The following RAB31 variants were observed in gnomAD, a reference collection of about 807,000 sequenced individuals.
The protein encoded by RAB31 is ras-related protein Rab-31.
In RAB31, 21 loss-of-function variants were observed where a neutral mutation model predicts 25.6. The observed-to-expected ratio is 0.82, with a 90% confidence interval of 0.58 to 1.18. The LOEUF (loss-of-function observed/expected upper bound fraction) is 1.18. Among genes scored for constraint, RAB31 ranks in the 50% most tolerant of loss-of-function variants. The pLI is 0.00. For missense variants in RAB31, 196 were observed against 250.1 expected (o/e 0.78, Z 1.46); for synonymous variants, 87 against 84.0 (o/e 1.04, Z -0.20).
chr18:9,850,853 G>A (rs967585862), intron 6 of RAB31, among the ~76,000 whole-genome samples: 2 of 148,870 alleles, frequency 1.3e-5, no homozygotes, highest in African/African-American at 5.0e-5. Context: ...GCAACAGAAC[G>A]AGATCCTATC....
At chr18:9,772,804 TG>T (rs368549034) in intron 1 of RAB31, among the ~76,000 whole-genome samples, 466 of 152,266 alleles carry the variant, frequency 3.1e-3, no homozygotes, top group Non-Finnish European at 4.7e-3. Context: ...CAGGGCAGGC[TG>T]TCACAGTTCC....
At chr18:9,798,143 G>C (rs2068495670) in intron 3 of RAB31, among the ~76,000 whole-genome samples, 1 of 152,228 alleles carries the variant, frequency 6.6e-6, no homozygotes, top group Non-Finnish European at 1.5e-5. Context: ...TATACTTCGA[G>C]GAAGACGGAT....
intron 6 of RAB31, among the ~76,000 whole-genome samples, chr18:9,850,226 G>C (rs1193720054): frequency 1.3e-5 from 2 of 152,170 alleles, no homozygotes; most frequent in Non-Finnish European, 1.5e-5. Context: ...GGCTGGATTT[G>C]GTTATGAGCC....
chr18:9,779,354 T>G (rs2068390316), intron 2 of RAB31, among the ~76,000 whole-genome samples: 1 of 152,224 alleles, frequency 6.6e-6, no homozygotes, highest in African/African-American at 2.4e-5. Context: ...TAACCAATAT[T>G]TAGAGTCCAA....
In RAB31 at chr18:9,806,492, G is replaced by A. The variant is rs1462495621; in HGVS notation, c.202-7528G>A. Among the ~76,000 whole-genome samples the A allele has an allele frequency of 5.9e-5, 9 of 152,022 alleles. No individual in the cohort carries two copies. The South Asian group carries it at 1.0e-3, about 18-fold the overall frequency. On this transcript the variant is annotated intron_variant, in intron 3 of 6. Transcript: ENST00000578921. ...GGCGTCAGGGAAGGTGCGGAGGCTC[G>A]GTGGGCCTGCCTCTGTGTTTAGGGA...
chr18:9,745,567 A>T (rs934085393), intron 1 of RAB31, among the ~76,000 whole-genome samples: 1 of 152,238 alleles, frequency 6.6e-6, no homozygotes, highest in Non-Finnish European at 1.5e-5. Flanking sequence ...CCAGAAGTAT[A>T]TTAAAAGGAT....
chr18:9,769,037 C>T (rs1176379556), intron 1 of RAB31, among the ~76,000 whole-genome samples: 2 of 152,162 alleles, frequency 1.3e-5, no homozygotes, highest in Admixed American at 6.6e-5. Flanking sequence ...GGCCTCTGTT[C>T]TGTTCCATTG....
At chr18:9,756,059 A>G (rs8099036) in intron 1 of RAB31, among the ~76,000 whole-genome samples, 59,851 of 152,108 alleles carry the variant, frequency 0.39, 12,029 homozygotes, top group Admixed American at 0.41. Flanking sequence ...TGTCTGTTAA[A>G]TACTTGCAGA....
chr18:9,846,047 A>G (rs1180470849), intron 6 of RAB31, among the ~76,000 whole-genome samples: 1 of 152,228 alleles, frequency 6.6e-6, no homozygotes, highest in Non-Finnish European at 1.5e-5. Flanking sequence ...CACCCATTAG[A>G]TGGGATGACT....
chr18:9,851,627 G>A (rs900008774), intron 6 of RAB31, among the ~76,000 whole-genome samples: 3 of 152,110 alleles, frequency 2.0e-5, no homozygotes, highest in Admixed American at 6.6e-5. Context: ...ATTGCACAGC[G>A]TGGTTTATTG....
chr18:9,780,149 C>G (rs2068394551), intron 2 of RAB31, among the ~76,000 whole-genome samples: 1 of 148,342 alleles, frequency 6.7e-6, no homozygotes, highest in African/African-American at 2.5e-5. Context: ...CTACTCCAGC[C>G]AGGGCAACAG....
intron 3 of RAB31, among the ~76,000 whole-genome samples, chr18:9,801,934 A>G (rs1441158776): frequency 1.3e-5 from 2 of 152,224 alleles, no homozygotes; most frequent in Non-Finnish European, 2.9e-5. Context: ...TATTGAAAAG[A>G]CTATTCTTTG....
intron 1 of RAB31, among the ~76,000 whole-genome samples, chr18:9,772,003 T>G (rs191087194): frequency 8.5e-4 from 129 of 152,324 alleles, no homozygotes; most frequent in South Asian, 2.9e-3. Context: ...CAAGTTGGCG[T>G]TGACGCTTGA....
intron 6 of RAB31, among the ~76,000 whole-genome samples, chr18:9,851,884 C>T (rs1285915716): frequency 6.6e-6 from 1 of 150,446 alleles, no homozygotes; most frequent in African/African-American, 2.5e-5. Flanking sequence ...ATTTCAATAT[C>T]ATATTTCATA....
intron 5 of RAB31, among the ~76,000 whole-genome samples, chr18:9,827,631 A>T (rs2068656559): frequency 6.6e-6 from 1 of 151,616 alleles, no homozygotes; most frequent in Admixed American, 6.6e-5. Context: ...GATGGGTGGG[A>T]CTGCTGCCAG....
chr18:9,722,227 A>G (rs1195552960), intron 1 of RAB31, among the ~76,000 whole-genome samples: 2 of 152,188 alleles, frequency 1.3e-5, no homozygotes, highest in Non-Finnish European at 2.9e-5. Flanking sequence ...GAGCAAGGAC[A>G]TGATCTGACT....
chr18:9,857,969 G>T (rs982455163), intron 6 of RAB31, among the ~76,000 whole-genome samples: 1 of 152,164 alleles, frequency 6.6e-6, no homozygotes, highest in African/African-American at 2.4e-5. Flanking sequence ...ATTCGAGGTT[G>T]CAGTAAGCCA....
intron 2 of RAB31, among the ~76,000 whole-genome samples, chr18:9,777,614 G>A (rs1374980964): frequency 6.6e-6 from 1 of 152,018 alleles, no homozygotes; most frequent in Non-Finnish European, 1.5e-5. Context: ...GTGTGTATGT[G>A]TTTTAATAAT....
At chr18:9,787,198 A>G in intron 2 of RAB31, 1 of 218,338 alleles carries the variant, frequency 4.6e-6, no homozygotes, top group Admixed American at 4.1e-5. Flanking sequence ...TCTAACAAGT[A>G]TGGGACTTAC....
Sources: allele counts gnomAD v4.1 joint callset (sites outside exome capture counted in the v4.1 genomes callset), GRCh38; gene constraint gnomAD v4.1.1; transcripts MANE v1.5; gene names NCBI Gene and HGNC (gene_info 2026-07-23, HGNC 2026-07-21).